The following FAM83F variants were observed in gnomAD, a reference collection of about 807,000 sequenced individuals.
FAM83F encodes the protein scaffolding CK1 anchoring protein F.
FAM83F carries 45 observed loss-of-function variants against 42.9 expected under a neutral mutation model. That is an observed-to-expected ratio of 1.05 (90% CI 0.83 to 1.35). The LOEUF is 1.35. FAM83F is among the 40% of genes most tolerant of loss of function. The pLI is 0.00. For synonymous variants in FAM83F, 306 were observed against 298.3 expected, an observed-to-expected ratio of 1.03 and a Z score of -0.27; for missense variants, 617 against 695.9, an observed-to-expected ratio of 0.89 and a Z score of 1.28.
Position 40,043,280 on chromosome 22 carries a change from T to C in FAM83F, c.*13715T>C, listed in dbSNP as rs574561882. ...AAAATGTTAATTACCCAAGATGGAATGTGGGCTAGAGTCCAGCGTTGTGCT... is the reference window on the plus strand; with the variant it reads ...AAAATGTTAATTACCCAAGATGGAACGTGGGCTAGAGTCCAGCGTTGTGCT... On this transcript the variant is annotated 3_prime_UTR_variant, in exon 5 of 5. Transcript: ENST00000333407. 4.6e-5 allele frequency: 7 copies of C among 152,308 alleles called. No individual in the cohort carries two copies. The highest frequency in any genetic ancestry group is 1.4e-4 in the African/African-American group (6 of 41,552). 9.4% of individuals were successfully genotyped at this position (152,308 alleles called of 1,614,324 possible).
Position 40,014,131 on chromosome 22 carries a change from C to CTTTTTTTTTTTTTTTTTT in FAM83F, c.490-5020_490-5019insTTTTTTTTTTTTTTTTTT, listed in dbSNP as rs57224519. Among the ~76,000 whole-genome samples the CTTTTTTTTTTTTTTTTTT allele has an allele frequency of 3.5e-4, 41 of 116,798 alleles. 1 individual carries two copies. Among genetic ancestry groups the CTTTTTTTTTTTTTTTTTT allele is most frequent in the African/African-American group, 9.3e-4 (28 of 29,960 alleles). The allele number at this position is 116,798 out of a possible 152,430, so 76.6% of individuals were successfully genotyped here. A position where few individuals can be genotyped will look rare whatever the true frequency, so the allele number is the denominator to read the frequency against. On this transcript the variant is annotated intron_variant, in intron 1 of 4. Coordinates refer to ENST00000333407, the MANE Select transcript of FAM83F (RefSeq NM_138435.4). The stretch of plus-strand genomic sequence containing the variant: ...AATCCTTATGTCTCTTATTTCTTTT[C>CTTTTTTTTTTTTTTTTTT]TTTTTTTTTTTTTTTTTGTCTTATT...
chr22:40,026,730 C>T (rs1288056758), intron 4 of FAM83F, among the ~76,000 whole-genome samples: 1 of 152,092 alleles, frequency 6.6e-6, no homozygotes, highest in African/African-American at 2.4e-5. Flanking sequence ...CAGTGACAGT[C>T]CCTTTCCAGA....
chr22:40,022,900 C>G (rs576741687), intron 4 of FAM83F, among the ~76,000 whole-genome samples: 1 of 152,180 alleles, frequency 6.6e-6, no homozygotes, highest in South Asian at 2.1e-4. Context: ...CAGCTTTAAC[C>G]GGATTGTGAT....
At chr22:40,000,255 A>C (rs895246355) in intron 1 of FAM83F, among the ~76,000 whole-genome samples, 19 of 152,146 alleles carry the variant, frequency 1.2e-4, no homozygotes, top group African/African-American at 4.6e-4. Flanking sequence ...TATGGGGTGC[A>C]GGGAGGGAGG....
intron 1 of FAM83F, among the ~76,000 whole-genome samples, chr22:40,011,811 A>T (rs2067465921): frequency 6.6e-6 from 1 of 152,238 alleles, no homozygotes; most frequent in Admixed American, 6.5e-5. Flanking sequence ...CCAAAGAAAG[A>T]TGCAGGCAAC....
Position 40,030,214 on chromosome 22 carries a change from T to G in FAM83F, c.*649T>G, listed in dbSNP as rs899173488. 6.6e-6 allele frequency: 1 copy of G among 152,284 alleles called. No individual in the cohort carries two copies. Among genetic ancestry groups the G allele is most frequent in the Non-Finnish European group, 1.5e-5 (1 of 68,184 alleles). 9.4% of individuals were successfully genotyped at this position (152,284 alleles called of 1,614,324 possible). A position where few individuals can be genotyped will look rare whatever the true frequency, so the allele number is the denominator to read the frequency against. On this transcript the variant is annotated 3_prime_UTR_variant, in exon 5 of 5. Coordinates refer to ENST00000333407, the MANE Select transcript of FAM83F (RefSeq NM_138435.4). ...CCGCAGTGGGGGCAGAATTTGACAC[T>G]GCTTTTCTGAGAGCGCTCGCACTGA...
chr22:39,994,977 G>A lies in FAM83F; in HGVS notation c.-66G>A, dbSNP rs2067365010. On this transcript the variant is annotated 5_prime_UTR_variant, in exon 1 of 5. The change creates a new upstream start codon in the 5' untranslated region. Transcript: ENST00000333407. ...GCGCCCCGCCCCTCGGCGGCTCCAG[G>A]TGCGGCTGTGGGACCTCGGACCGCG... The A allele has an allele frequency of 1.7e-6, 2 of 1,211,916 alleles. No homozygotes were observed. The highest frequency in any genetic ancestry group is 8.1e-5 in the South Asian group (2 of 24,546). The allele number at this position is 1,211,916 out of a possible 1,614,324, so 75.1% of individuals were successfully genotyped here.
In FAM83F at chr22:40,043,142, GGTT is replaced by G. The variant is rs1409228646; in HGVS notation, c.*13581_*13583del. 13 of 152,136 alleles carry G rather than the reference GGTT, an allele frequency of 8.5e-5. No individual in the cohort carries two copies. The highest frequency in any genetic ancestry group is 1.2e-4 in the African/African-American group (5 of 41,420). 9.4% of individuals were successfully genotyped at this position (152,136 alleles called of 1,614,324 possible). On this transcript the variant is annotated 3_prime_UTR_variant, in exon 5 of 5. Transcript: ENST00000333407. ...TTGAGCATTGTTACTATGTTACAAT[GGTT>G]GTTTTATTATTAAAGCAGTGCCAAG...
Position 40,042,717 on chromosome 22 carries a change from T to G in FAM83F, c.*13152T>G, listed in dbSNP as rs1487562326. The G allele has an allele frequency of 1.3e-5, 2 of 152,196 alleles. No individual in the cohort carries two copies. The highest frequency in any genetic ancestry group is 2.9e-5 in the Non-Finnish European group (2 of 68,028). The allele number at this position is 152,196 out of a possible 1,614,324, so 9.4% of individuals were successfully genotyped here. On this transcript the variant is annotated 3_prime_UTR_variant, in exon 5 of 5. Transcript: ENST00000333407. ...CTGAGTAATTATTTATTTGGGGGCC[T>G]TTTACGATCAGAACAATGTGAAGGA...
At chr22:40,001,520 T>A (rs922630964) in intron 1 of FAM83F, among the ~76,000 whole-genome samples, 2 of 152,072 alleles carry the variant, frequency 1.3e-5, no homozygotes, top group Non-Finnish European at 2.9e-5. Context: ...CTACCTGTAA[T>A]CCCAACTACT....
chr22:40,005,714 G>A (rs554389500), intron 1 of FAM83F, among the ~76,000 whole-genome samples: 3 of 152,386 alleles, frequency 2.0e-5, no homozygotes, highest in South Asian at 4.1e-4. Context: ...CTGCAGGGTC[G>A]GAATCAGAGC....
At position 40,023,235 on chromosome 22, in the gene FAM83F, T is replaced by C. The variant is rs1343704004; in HGVS notation, c.1453+1272T>C. Among the ~76,000 whole-genome samples, 2 of 151,902 alleles carry C rather than the reference T, an allele frequency of 1.3e-5. No individual in the cohort carries two copies. Among genetic ancestry groups the C allele is most frequent in the Non-Finnish European group, 2.9e-5 (2 of 67,970 alleles). On this transcript the variant is annotated intron_variant, in intron 4 of 4. Transcript: ENST00000333407. This position sits in a 1 kb window ranked among gnomAD's most constrained non-coding sequence, Gnocchi z 4.1. ...TGAAGTGGTCCCAGGTCACAGGAAG[T>C]GGTAGTAAGGCCAGGATTCAAGACC...
chr22:40,013,109 A>G (rs2067475931), intron 1 of FAM83F, among the ~76,000 whole-genome samples: 1 of 148,534 alleles, frequency 6.7e-6, no homozygotes, highest in Admixed American at 6.7e-5. Flanking sequence ...AAAAAAAAAG[A>G]CTGCTCCTTT....
At chr22:40,026,946 G>C (rs972963121) in intron 4 of FAM83F, among the ~76,000 whole-genome samples, 1 of 152,164 alleles carries the variant, frequency 6.6e-6, no homozygotes, top group African/African-American at 2.4e-5. Flanking sequence ...TACTAGGATT[G>C]TGCTAAACCC....
At position 40,042,835 on chromosome 22, in the gene FAM83F, C is replaced by A. The variant is rs992339360; in HGVS notation, c.*13270C>A. ...AGAAAGTCAAGCACCAACTTAAGTG[C>A]TAAAATAGGGGTCCAAGCAACCAAC... is the stretch of plus-strand genomic sequence containing the variant. On this transcript the variant is annotated 3_prime_UTR_variant, in exon 5 of 5. Coordinates refer to ENST00000333407, the MANE Select transcript of FAM83F (RefSeq NM_138435.4). 18 of 152,152 alleles carry A rather than the reference C, an allele frequency of 1.2e-4. No individual in the cohort carries two copies. Among genetic ancestry groups the A allele is most frequent in the African/African-American group, 4.3e-4 (18 of 41,420 alleles). The allele number at this position is 152,152 out of a possible 1,614,324, so 9.4% of individuals were successfully genotyped here.
chr22:39,995,405 G>A lies in FAM83F; in HGVS notation c.363G>A (p.Leu121=). 6.5e-7 allele frequency: 1 copy of A among 1,549,436 alleles called. No individual in the cohort carries two copies. The highest frequency in any genetic ancestry group is 8.7e-7 in the Non-Finnish European group (1 of 1,146,902). The change falls in exon 1 of 5, where the codon CTG becomes CTA. Residue 121 remains leucine (L), a synonymous_variant. Coordinates refer to ENST00000333407, the MANE Select transcript of FAM83F (RefSeq NM_138435.4). The surrounding 1 kb of genome is among the most constrained non-coding windows in gnomAD (Gnocchi z 4.6). ...ACACCGAGGTGCCTCCTCTGGACCT[G>A]GGCTGGACGGACACTGGTTTCTACC... ...RSDTEVPPLD[L]GWTDTGFYRG...
In FAM83F at chr22:40,022,071, A is replaced by G. The variant is rs531020293; in HGVS notation, c.1453+108A>G. ...TCATACCTGCAGAGGAGTAGATTCC[A>G]TCTGTGGGCACAGAGAGGGCAGGAG... On this transcript the variant is annotated intron_variant, in intron 4 of 4. Transcript: ENST00000333407. The G allele has an allele frequency of 7.1e-5, 72 of 1,017,926 alleles. No homozygotes were observed. In the South Asian group the frequency reaches 1.2e-3, roughly 17 times the overall value. 63.1% of individuals were successfully genotyped at this position (1,017,926 alleles called of 1,614,324 possible).
At chr22:39,999,660 G>T (rs1171291987) in intron 1 of FAM83F, among the ~76,000 whole-genome samples, 1 of 152,158 alleles carries the variant, frequency 6.6e-6, no homozygotes, top group African/African-American at 2.4e-5. Flanking sequence ...TCCTTGGTTG[G>T]GATTACCAGT....
chr22:40,009,952 C>A (rs529684571), intron 1 of FAM83F: 2 of 152,370 alleles, frequency 1.3e-5, no homozygotes, highest in South Asian at 4.1e-4. Context: ...CACTCCCCGT[C>A]CTGCCGCCCA....
Sources: allele counts gnomAD v4.1 joint callset (sites outside exome capture counted in the v4.1 genomes callset), GRCh38; gene constraint gnomAD v4.1.1; non-coding constraint Gnocchi (gnomAD v3.1); transcripts MANE v1.5; gene names NCBI Gene and HGNC (gene_info 2026-07-23, HGNC 2026-07-21).